The following ALK variants were observed in gnomAD, a reference collection of about 807,000 sequenced individuals.
The protein encoded by ALK is ALK receptor tyrosine kinase.
ALK carries 74 observed loss-of-function variants against 163.1 expected under a neutral mutation model. That is an observed-to-expected ratio of 0.45 (90% CI 0.38 to 0.55). ALK has a LOEUF of 0.55. Among genes scored for constraint, ALK ranks in the 20% least tolerant of loss-of-function variants. The pLI, the probability that ALK is intolerant of heterozygous loss-of-function variation, is 0.00. For missense variants in ALK, 2,063 were observed against 2,105.3 expected (o/e 0.98, Z 0.39); for synonymous variants, 960 against 843.2 (o/e 1.14, Z -2.40).
At chr2:29,305,809 G>C (rs1043119950) in intron 8 of ALK, among the ~76,000 whole-genome samples, 1 of 151,558 alleles carries the variant, frequency 6.6e-6, no homozygotes, top group South Asian at 2.1e-4. Flanking sequence ...GATGATTCAA[G>C]CACATTACAT....
chr2:29,281,317 G>A (rs1211021069), intron 9 of ALK, among the ~76,000 whole-genome samples: 1 of 152,118 alleles, frequency 6.6e-6, no homozygotes, highest in Non-Finnish European at 1.5e-5. Flanking sequence ...GGTTCCCCAG[G>A]ATAGAAGAGG....
chr2:29,636,834 C>T (rs1422001967), intron 3 of ALK, among the ~76,000 whole-genome samples: 2 of 152,112 alleles, frequency 1.3e-5, no homozygotes, highest in African/African-American at 4.8e-5. Context: ...AATAAGCACA[C>T]GAAAGATGTT....
At chr2:29,468,850 C>A (rs1222660972) in intron 4 of ALK, among the ~76,000 whole-genome samples, 1 of 93,594 alleles carries the variant, frequency 1.1e-5, no homozygotes, top group African/African-American at 4.5e-5. Flanking sequence ...TGAGACCCTG[C>A]CTCAAAAAAA....
At chr2:29,891,697 G>C (rs1396956892) in intron 1 of ALK, among the ~76,000 whole-genome samples, 1 of 152,144 alleles carries the variant, frequency 6.6e-6, no homozygotes, top group Non-Finnish European at 1.5e-5. Context: ...ACATCCAACT[G>C]CTTAGAGAGA....
chr2:29,904,645 A>G (rs1276774954), intron 1 of ALK, among the ~76,000 whole-genome samples: 4 of 152,228 alleles, frequency 2.6e-5, no homozygotes, highest in Non-Finnish European at 5.9e-5. Context: ...AGCAAGTACT[A>G]TAATTTTACA....
At chr2:29,404,550 T>C (rs551347697) in intron 4 of ALK, among the ~76,000 whole-genome samples, 2 of 152,162 alleles carry the variant, frequency 1.3e-5, no homozygotes, top group Non-Finnish European at 2.9e-5. Context: ...CTTCAAGGAA[T>C]CTTTAGTGGT....
At chr2:29,297,095 T>G (rs1248820503) in intron 8 of ALK, 38 bp from the exon 9 acceptor site, 1 of 1,613,442 alleles carries the variant, frequency 6.2e-7, no homozygotes, top group Non-Finnish European at 8.5e-7. Flanking sequence ...AAGGTATGAT[T>G]GCTGAAAGGT....
intron 1 of ALK, among the ~76,000 whole-genome samples, chr2:29,857,534 C>A (rs1204818441): frequency 1.3e-5 from 2 of 152,162 alleles, no homozygotes; most frequent in Non-Finnish European, 1.5e-5. Flanking sequence ...GGGAGAAGAG[C>A]AGTTTAAACA....
intron 1 of ALK, among the ~76,000 whole-genome samples, chr2:29,824,321 G>A (rs936087766): frequency 1.3e-5 from 2 of 152,202 alleles, no homozygotes; most frequent in Non-Finnish European, 2.9e-5. Flanking sequence ...TGGGGTTGGA[G>A]CCCCCACACA....
Position 29,758,961 on chromosome 2 carries a change from G to T in ALK, c.668-41264C>A, listed in dbSNP as rs897415210. ...CAATTTGCCTTCTCTGGGAATACAG[G>T]CTAAATCTTGCTTTTTTTTTCTGCA... On this transcript the variant is annotated intron_variant, in intron 1 of 28. Coordinates refer to ENST00000389048, the MANE Select transcript of ALK (RefSeq NM_004304.5). Among the ~76,000 whole-genome samples, 3 of 152,220 alleles carry T rather than the reference G, an allele frequency of 2.0e-5. No homozygotes were observed. The East Asian group carries it at 5.8e-4, about 29-fold the overall frequency.
At chr2:29,594,909 G>C (rs1047575653) in intron 3 of ALK, among the ~76,000 whole-genome samples, 5 of 100,314 alleles carry the variant, frequency 5.0e-5, no homozygotes, top group Non-Finnish European at 7.7e-5. Context: ...GGTGGGGGGC[G>C]GGGGGCAAAG....
intron 3 of ALK, among the ~76,000 whole-genome samples, chr2:29,665,218 C>T (rs149496289): frequency 1.4e-3 from 217 of 151,916 alleles, no homozygotes; most frequent in African/African-American, 4.8e-3. Context: ...AACTCCTGGA[C>T]TCAAGCAATC....
chr2:29,902,506 G>A (rs1041578674), intron 1 of ALK, among the ~76,000 whole-genome samples: 4 of 152,120 alleles, frequency 2.6e-5, no homozygotes, highest in Non-Finnish European at 4.4e-5. Flanking sequence ...ATTTACATCA[G>A]GCCTTTGATG....
intron 3 of ALK, among the ~76,000 whole-genome samples, chr2:29,586,208 T>A (rs894850926): frequency 8.0e-4 from 121 of 151,634 alleles, no homozygotes; most frequent in African/African-American, 2.8e-3. Context: ...TTGCTTCATA[T>A]CAGTTGCCCA....
intron 1 of ALK, among the ~76,000 whole-genome samples, chr2:29,779,899 T>G (rs1228485224): frequency 6.6e-6 from 1 of 152,210 alleles, no homozygotes; most frequent in East Asian, 1.9e-4. Context: ...CTAGCCACTT[T>G]GGGACAATTA....
chr2:29,386,316 C>T (rs924749526), intron 4 of ALK, among the ~76,000 whole-genome samples: 1 of 152,108 alleles, frequency 6.6e-6, no homozygotes, highest in Non-Finnish European at 1.5e-5. Context: ...TCTCTGTTAC[C>T]GTACCCAGCA....
chr2:29,222,217 A>G, intron 22 of ALK, 127 bp downstream of exon 22: 1 of 831,674 alleles, frequency 1.2e-6, no homozygotes. Flanking sequence ...GGAGTCTCCT[A>G]CTGGAGAAAA....
At chr2:29,769,770 T>A (rs1165548612) in intron 1 of ALK, among the ~76,000 whole-genome samples, 1 of 152,048 alleles carries the variant, frequency 6.6e-6, no homozygotes, top group Non-Finnish European at 1.5e-5. Flanking sequence ...AAGGGGGCAT[T>A]AATGTGCAAG....
At chr2:29,360,263 C>G (rs1668356596) in intron 5 of ALK, among the ~76,000 whole-genome samples, 1 of 152,180 alleles carries the variant, frequency 6.6e-6, no homozygotes, top group Non-Finnish European at 1.5e-5. Flanking sequence ...CCTTCCCTCT[C>G]TGGGAAGAGT....
Sources: gnomAD v4.1 joint callset for allele counts (sites outside exome capture counted in the v4.1 genomes callset) on GRCh38, gnomAD v4.1.1 for gene constraint, MANE v1.5 for transcripts, NCBI Gene and HGNC (gene_info 2026-07-23, HGNC 2026-07-21) for gene names.